Variants in DNAH12 observed in about 807,000 individuals in gnomAD.
DNAH12 encodes the protein dynein axonemal heavy chain 12.
In DNAH12, 285 loss-of-function variants were observed where a neutral mutation model predicts 371.5. The observed-to-expected ratio is 0.77, with a 90% CI of 0.70 to 0.85. The LOEUF (loss-of-function observed/expected upper bound fraction) is 0.85. Ranked by LOEUF, DNAH12 falls within the 40% of genes least tolerant of loss-of-function variation. The pLI is 0.00. For missense variants in DNAH12, 3,611 were observed against 3,689.4 expected (o/e 0.98, Z 0.55); for synonymous variants, 1,200 against 1,213.0 (o/e 0.99, Z 0.22).
At chr3:57,302,567 A>ATATATATATATATT (rs2061380979) in intron 69 of DNAH12, among the ~76,000 whole-genome samples, 2 of 27,480 alleles carry the variant, frequency 7.3e-5, no homozygotes, top group Non-Finnish European at 1.3e-4. Flanking sequence ...ATATATATGT[A>ATATATATATATATT]TTTTTTTTTT....
At chr3:57,419,309 A>T in intron 37 of DNAH12, 58 bp downstream of exon 37, 1 of 1,436,030 alleles carries the variant, frequency 7.0e-7, no homozygotes, top group Non-Finnish European at 9.2e-7. Flanking sequence ...AATTGCCATA[A>T]TCCTATTAAA....
intron 43 of DNAH12, among the ~76,000 whole-genome samples, chr3:57,395,053 T>C (rs1401209654): frequency 6.6e-6 from 1 of 152,190 alleles, no homozygotes; most frequent in African/African-American, 2.4e-5. Flanking sequence ...TATAATTATA[T>C]TTAAAAGGGA....
intron 43 of DNAH12, among the ~76,000 whole-genome samples, chr3:57,399,334 T>C (rs1361162916): frequency 6.6e-6 from 1 of 151,880 alleles, no homozygotes; most frequent in Non-Finnish European, 1.5e-5. Flanking sequence ...CTATCAGTAA[T>C]TACATTAAAT....
chr3:57,485,603 G>A (rs372396210), intron 12 of DNAH12, among the ~76,000 whole-genome samples: 7,363 of 150,694 alleles, frequency 0.049, 248 homozygotes, highest in Middle Eastern at 0.075. Context: ...GGTTTCACAT[G>A]TTGGCCAGGC....
intron 36 of DNAH12, among the ~76,000 whole-genome samples, chr3:57,419,843 T>C (rs1169385208): frequency 6.6e-6 from 1 of 152,216 alleles, no homozygotes; most frequent in Non-Finnish European, 1.5e-5. Flanking sequence ...TTATGTCTTC[T>C]TAACACTCCA....
At chr3:57,305,301 A>C (rs972382216) in intron 69 of DNAH12, among the ~76,000 whole-genome samples, 2 of 150,788 alleles carry the variant, frequency 1.3e-5, no homozygotes, top group Non-Finnish European at 3.0e-5. Context: ...GAGTCTTTCT[A>C]ATCTTCCTTT....
chr3:57,477,975 A>G (rs1423143896), intron 13 of DNAH12, among the ~76,000 whole-genome samples: 1 of 152,216 alleles, frequency 6.6e-6, no homozygotes, highest in African/African-American at 2.4e-5. Flanking sequence ...AGATGGGGAA[A>G]AAACAGAGCA....
chr3:57,467,226 C>G (rs969422113), intron 17 of DNAH12, among the ~76,000 whole-genome samples: 4 of 152,146 alleles, frequency 2.6e-5, no homozygotes, highest in African/African-American at 7.2e-5. Flanking sequence ...TCAAATGATT[C>G]TCCTCCCTCA....
At chr3:57,391,010 T>G (rs2063611216) in intron 45 of DNAH12, among the ~76,000 whole-genome samples, 1 of 152,088 alleles carries the variant, frequency 6.6e-6, no homozygotes, top group South Asian at 2.1e-4. Flanking sequence ...TACCAAACAA[T>G]TTTCAGTGGG....
chr3:57,394,718 G>T (rs1480365007), intron 43 of DNAH12, among the ~76,000 whole-genome samples: 1 of 152,196 alleles, frequency 6.6e-6, no homozygotes, highest in Non-Finnish European at 1.5e-5. Context: ...GTATGAGCCT[G>T]CTGGAGAAGG....
chr3:57,348,061 C>T (rs1223934647), intron 60 of DNAH12, among the ~76,000 whole-genome samples: 1 of 152,180 alleles, frequency 6.6e-6, no homozygotes, highest in Non-Finnish European at 1.5e-5. Context: ...CAAAAACTTA[C>T]ACATGAATGT....
intron 55 of DNAH12, among the ~76,000 whole-genome samples, chr3:57,373,136 C>T (rs2153337938): frequency 6.6e-6 from 1 of 152,186 alleles, no homozygotes; most frequent in African/African-American, 2.4e-5. Context: ...GGTCATGACT[C>T]TTTTTCTGAG....
chr3:57,493,597 A>C (rs551865833), intron 11 of DNAH12: 1 of 152,262 alleles, frequency 6.6e-6, no homozygotes, highest in African/African-American at 2.4e-5. Context: ...AAAACCAAAT[A>C]AGGTAAAAAG....
chr3:57,448,586 C>G (rs536754169), intron 25 of DNAH12, among the ~76,000 whole-genome samples: 1 of 152,212 alleles, frequency 6.6e-6, no homozygotes, highest in Non-Finnish European at 1.5e-5. Context: ...AAGAACAAAG[C>G]TTCCACAGCG....
chr3:57,341,422 AC>A (rs1379408916), intron 60 of DNAH12, among the ~76,000 whole-genome samples: 2 of 152,154 alleles, frequency 1.3e-5, no homozygotes, highest in Non-Finnish European at 2.9e-5. Flanking sequence ...ATATCAACAT[AC>A]AAAAATTGGT....
At chr3:57,312,972 C>T (rs1167198238) in intron 66 of DNAH12, among the ~76,000 whole-genome samples, 2 of 152,124 alleles carry the variant, frequency 1.3e-5, no homozygotes, top group African/African-American at 4.8e-5. Flanking sequence ...TATAGCCTTA[C>T]AAAAACCTAC....
At chr3:57,314,739 A>G (rs1272586426) in intron 65 of DNAH12, 108 bp from the exon 66 acceptor site, 2 of 1,178,740 alleles carry the variant, frequency 1.7e-6, no homozygotes, top group East Asian at 2.6e-5. Flanking sequence ...GTGATCACGT[A>G]TCTCTACAAA....
At chr3:57,383,054 T>C (rs1575526954) in intron 49 of DNAH12, among the ~76,000 whole-genome samples, 2 of 152,150 alleles carry the variant, frequency 1.3e-5, no homozygotes, top group Admixed American at 1.3e-4. Context: ...TGTGACAATA[T>C]AGATTACAGT....
chr3:57,493,436 T>C (rs1261549372), intron 11 of DNAH12, among the ~76,000 whole-genome samples: 1 of 152,206 alleles, frequency 6.6e-6, no homozygotes, highest in African/African-American at 2.4e-5. Context: ...TACCATTTTA[T>C]ATGAGACTTG....
Sources: allele counts gnomAD v4.1 joint callset (sites outside exome capture counted in the v4.1 genomes callset), GRCh38; gene constraint gnomAD v4.1.1; transcripts MANE v1.5; gene names NCBI Gene and HGNC (gene_info 2026-07-23, HGNC 2026-07-21).